Variants in ITGB3 observed in about 807,000 individuals in gnomAD.
ITGB3 encodes integrin beta-3.
In ITGB3, 48 loss-of-function variants were observed where a neutral mutation model predicts 85.8. The observed-to-expected ratio is 0.56, with a 90% CI of 0.44 to 0.71. ITGB3 has a LOEUF of 0.71. ITGB3 is among the 30% of genes least tolerant of loss of function. The pLI is 0.00. For synonymous variants in ITGB3, 363 were observed against 395.6 expected (o/e 0.92, Z 0.98); for missense variants, 861 against 1,019.1 (o/e 0.84, Z 2.11).
chr17:47,290,896 C>G (rs1234915936), intron 8 of ITGB3, 58 bp from the exon 9 acceptor site: 7 of 1,604,918 alleles, frequency 4.4e-6, no homozygotes, highest in Non-Finnish European at 6.0e-6. Flanking sequence ...CTGGCTCTTG[C>G]CATTTCCCGT....
In ITGB3 at chr17:47,275,343, G is replaced by A. The variant is rs541116644; in HGVS notation, c.165+839G>A. On this transcript the variant is annotated intron_variant, in intron 2 of 14. Transcript: ENST00000559488. ...CCCTAGGGAATGAGTGTGTCTGAGGGAATGGCTATGTTTGTGGCTGGGATG... is the reference window on the plus strand; with the variant it reads ...CCCTAGGGAATGAGTGTGTCTGAGGAAATGGCTATGTTTGTGGCTGGGATG... 1.3e-3 allele frequency among the ~76,000 whole-genome samples: 201 copies of A among 151,730 alleles called. 1 individual carries two copies. Among genetic ancestry groups the A allele is most frequent in the African/African-American group, 4.6e-3 (190 of 41,442 alleles).
intron 10 of ITGB3, among the ~76,000 whole-genome samples, chr17:47,298,132 TA>T (rs1045378941): frequency 5.3e-5 from 8 of 151,994 alleles, no homozygotes; most frequent in African/African-American, 1.9e-4. Flanking sequence ...ATTAATTAAT[TA>T]AAAAAATGTT....
At chr17:47,301,954 G>C (rs1346476923) in intron 12 of ITGB3, among the ~76,000 whole-genome samples, 1 of 152,110 alleles carries the variant, frequency 6.6e-6, no homozygotes, top group Non-Finnish European at 1.5e-5. Context: ...TGCAAGATGT[G>C]CTTTGAGACT....
chr17:47,307,521 GC>G lies in ITGB3; in HGVS notation c.2187del (p.Ile730PhefsTer99), dbSNP rs769731439. The stretch of plus-strand genomic sequence containing the variant: ...GGTGGTCCTGCTCTCAGTGATGGGG[GC>G]CATTCTGCTCATTGGCCTTGCCGCC... ...ILVVLLSVMG[A>X]ILLIGLAALL... is the part of the protein sequence containing the mutation. On this transcript the variant is annotated frameshift_variant, in exon 14 of 15. Transcript: ENST00000559488. LOFTEE classifies it high-confidence loss of function. 6.2e-7 allele frequency: 1 copy of G among 1,614,176 alleles called. No homozygotes were observed. Among genetic ancestry groups the G allele is most frequent in the Non-Finnish European group, 8.5e-7 (1 of 1,180,050 alleles).
At chr17:47,285,667 A>G (rs546049995) in intron 4 of ITGB3, among the ~76,000 whole-genome samples, 3 of 152,282 alleles carry the variant, frequency 2.0e-5, no homozygotes, top group East Asian at 1.9e-4. Context: ...TCAACCTTCT[A>G]TCTGGGTTGT....
At chr17:47,276,061 G>A (rs78320323) in intron 2 of ITGB3, among the ~76,000 whole-genome samples, 228 of 152,316 alleles carry the variant, frequency 1.5e-3, no homozygotes, top group South Asian at 0.01. Flanking sequence ...TGAATGGGGA[G>A]GGGGGCCTTG....
In ITGB3 at chr17:47,291,043, C is replaced by T; in HGVS notation, c.1215C>T (p.Val405=). Residue 405 remains valine, a synonymous_variant, in exon 9 of 15, where the codon GTC becomes GTT. Coordinates refer to ENST00000559488, the MANE Select transcript of ITGB3 (RefSeq NM_000212.3). The part of the protein sequence containing the change: ...SFNATCLNNE[V]IPGLKSCMGL... The stretch of plus-strand genomic sequence containing the variant: ...ATGCCACCTGCCTCAACAATGAGGT[C>T]ATCCCTGGCCTCAAGTCTTGTATGG... 1 of 1,614,202 alleles carries T rather than the reference C, an allele frequency of 6.2e-7. No homozygotes were observed. The highest frequency in any genetic ancestry group is 2.2e-5 in the East Asian group (1 of 44,886).
In ITGB3 at chr17:47,287,076, A is replaced by G. The variant is rs2065105330; in HGVS notation, c.784A>G (p.Ile262Val). Residue 262 changes from isoleucine to valine, a missense_variant, in exon 6 of 15, where the codon ATT (isoleucine) becomes GTT (valine). Ile to Val is a conservative substitution (Grantham distance 29). Transcript: ENST00000559488. ...IMQATVCDEK[I>V]GWRNDASHLL... ...TTTTGTTTTCTTTTAACAGGAAAAG[A>G]TTGGCTGGAGGAATGATGCATCCCA... 1.2e-6 allele frequency: 2 copies of G among 1,613,790 alleles called. No homozygotes were observed. Among genetic ancestry groups the G allele is most frequent in the Non-Finnish European group, 8.5e-7 (1 of 1,179,940 alleles).
rs1196897484 is a variant in ITGB3 at position 47,299,263 on chromosome 17, G to A, written c.1691-45G>A. The A allele has an allele frequency of 6.4e-7, 1 of 1,565,096 alleles. No homozygotes were observed. Among genetic ancestry groups the A allele is most frequent in the Non-Finnish European group, 8.8e-7 (1 of 1,140,440 alleles). ...TGTGTAGCCTGCTGCCATGGGAGTG[G>A]AGCTCTCGCCAGCGGGTCCACCTTC... On this transcript the variant is annotated intron_variant, in intron 10 of 14. Coordinates refer to ENST00000559488, the MANE Select transcript of ITGB3 (RefSeq NM_000212.3). This position sits in a 1 kb window ranked among gnomAD's most constrained non-coding sequence, Gnocchi z 5.1.
chr17:47,309,002 CCCCTT>C lies in ITGB3; in HGVS notation c.2302-1129_2302-1125del, dbSNP rs2065202264. Among the ~76,000 whole-genome samples, 12 of 135,282 alleles carry C rather than the reference CCCCTT, an allele frequency of 8.9e-5. No homozygotes were observed. In the South Asian group the frequency reaches 3.3e-3, roughly 37 times the overall value. 88.8% of individuals were successfully genotyped at this position (135,282 alleles called of 152,430 possible). The stretch of plus-strand genomic sequence containing the variant: ...CCCTTCCTTTTACGCTTCCTCCCCT[CCCCTT>C]CCCTTCCTCCCCTCCTCTCCTTTTC... On this transcript the variant is annotated intron_variant, in intron 14 of 14. Transcript: ENST00000559488.
At chr17:47,286,968 A>C (rs1259598736) in intron 5 of ITGB3, 102 bp from the exon 6 acceptor site, 7 of 1,207,558 alleles carry the variant, frequency 5.8e-6, no homozygotes, top group Admixed American at 3.6e-5. Flanking sequence ...TAAGCTGTCC[A>C]GCCCTTTAGC....
At chr17:47,286,226 G>C in intron 4 of ITGB3, 34 bp from the exon 5 acceptor site, 2 of 1,613,084 alleles carry the variant, frequency 1.2e-6, no homozygotes, top group Non-Finnish European at 1.7e-6. Flanking sequence ...TTCCATGAAG[G>C]TGTCTGCTTA....
At chr17:47,275,262 A>T (rs1418838397) in intron 2 of ITGB3, among the ~76,000 whole-genome samples, 1 of 151,946 alleles carries the variant, frequency 6.6e-6, no homozygotes, top group Admixed American at 6.6e-5. Context: ...GTGAGGATGG[A>T]AGGGGGACAG....
At chr17:47,256,452 A>G (rs2064990171) in intron 1 of ITGB3, among the ~76,000 whole-genome samples, 1 of 151,484 alleles carries the variant, frequency 6.6e-6, no homozygotes. Context: ...AGGGGCTCTA[A>G]AGTCAGACTT....
In ITGB3 at chr17:47,299,236, C is replaced by G. The variant is rs551539847; in HGVS notation, c.1691-72C>G. The G allele has an allele frequency of 7.2e-7, 1 of 1,396,042 alleles. No homozygotes were observed. The highest frequency in any genetic ancestry group is 1.4e-5 in the African/African-American group (1 of 70,844). 86.5% of individuals were successfully genotyped at this position (1,396,042 alleles called of 1,614,324 possible). On this transcript the variant is annotated intron_variant, in intron 10 of 14. Coordinates refer to ENST00000559488, the MANE Select transcript of ITGB3 (RefSeq NM_000212.3). The surrounding 1 kb of genome is among the most constrained non-coding windows in gnomAD (Gnocchi z 5.1). Reference sequence around the variant, plus strand: ...TGTGTGGTTGGGAGAGCAGGATGGTCGTGTGTAGCCTGCTGCCATGGGAGT... The same window carrying G: ...TGTGTGGTTGGGAGAGCAGGATGGTGGTGTGTAGCCTGCTGCCATGGGAGT...
intron 1 of ITGB3, among the ~76,000 whole-genome samples, chr17:47,271,182 G>A (rs2065042997): frequency 6.6e-6 from 1 of 152,136 alleles, no homozygotes; most frequent in Non-Finnish European, 1.5e-5. Flanking sequence ...GAGGCTGAGA[G>A]GAGTTAAATG....
At chr17:47,291,853 G>A (rs2065126959) in intron 9 of ITGB3, among the ~76,000 whole-genome samples, 1 of 152,064 alleles carries the variant, frequency 6.6e-6, no homozygotes, top group Admixed American at 6.6e-5. Flanking sequence ...AGTTTGAGCT[G>A]GTCTATTTCA....
At chr17:47,283,301 A>G (rs1352070160) in intron 2 of ITGB3, 53 bp from the exon 3 acceptor site, 7 of 1,571,478 alleles carry the variant, frequency 4.5e-6, no homozygotes, top group Admixed American at 1.7e-5. Context: ...CAGGAGGTAG[A>G]GAGTCGCCAT....
At chr17:47,291,456 A>G in intron 9 of ITGB3, 1 of 460,424 alleles carries the variant, frequency 2.2e-6, no homozygotes, top group Non-Finnish European at 3.8e-6. Context: ...TTGTAAAACG[A>G]CACAAGAAAG....
Sources: allele counts gnomAD v4.1 joint callset (sites outside exome capture counted in the v4.1 genomes callset), GRCh38; gene constraint gnomAD v4.1.1; non-coding constraint Gnocchi (gnomAD v3.1); transcripts MANE v1.5; gene names NCBI Gene and HGNC (gene_info 2026-07-23, HGNC 2026-07-21).